RIMBP2: variants seen among roughly 807,000 people sequenced by gnomAD.
RIMBP2 encodes the protein RIMS binding protein 2, also known as RIMS-binding protein 2.
Under a neutral mutation model 118.6 loss-of-function variants are expected in RIMBP2, and 48 were observed. The ratio of observed to expected loss-of-function variants is 0.40; its 90% CI spans 0.32 to 0.51. The LOEUF (loss-of-function observed/expected upper bound fraction) is 0.51, where lower values mean the gene tolerates loss of function less well. RIMBP2 is among the 20% of genes least tolerant of loss of function. The pLI is 0.41. For missense variants in RIMBP2, 1,551 were observed against 1,768.3 expected (o/e 0.88, Z 2.20); for synonymous variants, 762 against 742.9 (o/e 1.03, Z -0.42).
At chr12:130,612,677 G>A (rs140625533) in intron 2 of RIMBP2, among the ~76,000 whole-genome samples, 316 of 152,312 alleles carry the variant, frequency 2.1e-3, no homozygotes, top group African/African-American at 7.2e-3. Context: ...GAGAAACCTG[G>A]AGGAGCTTGT....
At chr12:130,468,840 T>C (rs1187149278) in intron 6 of RIMBP2, among the ~76,000 whole-genome samples, 1 of 152,158 alleles carries the variant, frequency 6.6e-6, no homozygotes, top group Non-Finnish European at 1.5e-5. Flanking sequence ...AGGACTGCTC[T>C]CCCAGCCTGA....
At chr12:130,439,360 C>T (rs139924399) in intron 11 of RIMBP2, among the ~76,000 whole-genome samples, 2 of 144,812 alleles carry the variant, frequency 1.4e-5, no homozygotes, top group East Asian at 4.1e-4. Flanking sequence ...TGTGGGCATG[C>T]GTATGTGTGT....
At chr12:130,624,235 A>G (rs369126018) in intron 2 of RIMBP2, among the ~76,000 whole-genome samples, 5 of 152,244 alleles carry the variant, frequency 3.3e-5, no homozygotes, top group African/African-American at 1.2e-4. Context: ...CACATACAAA[A>G]TTATAGGACA....
chr12:130,424,990 A>C lies in RIMBP2; in HGVS notation c.2413-132T>G. The C allele has an allele frequency of 2.2e-6, 1 of 459,888 alleles. No homozygotes were observed. Among genetic ancestry groups the C allele is most frequent in the Non-Finnish European group, 3.5e-6 (1 of 286,006 alleles). The allele number at this position is 459,888 out of a possible 1,614,324, so 28.5% of individuals were successfully genotyped here. A position where few individuals can be genotyped will look rare whatever the true frequency, so the allele number is the denominator to read the frequency against. On this transcript the variant is annotated intron_variant, in intron 15 of 22. Coordinates refer to ENST00000690449, the MANE Select transcript of RIMBP2 (RefSeq NM_001393629.1). This position sits in a 1 kb window ranked among gnomAD's most constrained non-coding sequence, Gnocchi z 9.8. ...ACCGAGGGGGGGGAAGCATGCGTCT[A>C]CTCAGGCCGGGGGCATGCCGTGGAG...
intron 2 of RIMBP2, among the ~76,000 whole-genome samples, chr12:130,600,000 C>T (rs1274683831): frequency 6.6e-6 from 1 of 152,112 alleles, no homozygotes; most frequent in Non-Finnish European, 1.5e-5. Context: ...AGAATGTAAC[C>T]GTCTGTCTCT....
chr12:130,697,702 G>C (rs1254673004), intron 1 of RIMBP2, among the ~76,000 whole-genome samples: 1 of 152,158 alleles, frequency 6.6e-6, no homozygotes, highest in Non-Finnish European at 1.5e-5. Context: ...CCCACCTGTG[G>C]TCCCAGCTAC....
intron 3 of RIMBP2, among the ~76,000 whole-genome samples, chr12:130,516,131 T>A (rs1403602062): frequency 6.6e-6 from 1 of 152,230 alleles, no homozygotes; most frequent in Non-Finnish European, 1.5e-5. Flanking sequence ...ATGTGCAGGA[T>A]TCCAGTTTCC....
At chr12:130,564,415 A>G (rs192102165) in intron 2 of RIMBP2, among the ~76,000 whole-genome samples, 1 of 152,334 alleles carries the variant, frequency 6.6e-6, no homozygotes, top group Non-Finnish European at 1.5e-5. Context: ...TGAGATTTAC[A>G]TAACATACAA....
At chr12:130,608,697 T>A (rs1366693660) in intron 2 of RIMBP2, among the ~76,000 whole-genome samples, 1 of 152,242 alleles carries the variant, frequency 6.6e-6, no homozygotes. Context: ...TATGAGTTTA[T>A]CATGTATCAC....
chr12:130,486,832 G>A (rs1311114517), intron 4 of RIMBP2, among the ~76,000 whole-genome samples: 4 of 151,872 alleles, frequency 2.6e-5, no homozygotes, highest in African/African-American at 7.3e-5. Context: ...GGTAGACTAC[G>A]GCAGAAGAGC....
At chr12:130,701,289 A>G (rs1045340350) in intron 1 of RIMBP2, among the ~76,000 whole-genome samples, 1 of 152,194 alleles carries the variant, frequency 6.6e-6, no homozygotes, top group Non-Finnish European at 1.5e-5. Flanking sequence ...CAGCTTTGCC[A>G]AGCTGCCTGG....
At chr12:130,577,694 G>A (rs1287351458) in intron 2 of RIMBP2, among the ~76,000 whole-genome samples, 1 of 151,492 alleles carries the variant, frequency 6.6e-6, no homozygotes, top group East Asian at 2.0e-4. Context: ...TATCAGCCAC[G>A]TTATTGCTAT....
chr12:130,597,276 C>T (rs1349140303), intron 2 of RIMBP2, among the ~76,000 whole-genome samples: 3 of 152,352 alleles, frequency 2.0e-5, no homozygotes, highest in South Asian at 2.1e-4. Flanking sequence ...CGGAGTCTCG[C>T]TCTGTCTCCC....
Position 130,422,633 on chromosome 12 carries a change from C to G in RIMBP2, c.3130-72G>C. The G allele has an allele frequency of 8.9e-7, 1 of 1,124,448 alleles. No homozygotes were observed. 69.7% of individuals were successfully genotyped at this position (1,124,448 alleles called of 1,614,324 possible). A position where few individuals can be genotyped will look rare whatever the true frequency, so the allele number is the denominator to read the frequency against. On this transcript the variant is annotated intron_variant, in intron 16 of 22. Coordinates refer to ENST00000690449, the MANE Select transcript of RIMBP2 (RefSeq NM_001393629.1). This position sits in a 1 kb window ranked among gnomAD's most constrained non-coding sequence, Gnocchi z 5.2. ...AACTGAAGAATTCAGTTAGCCAAAT[C>G]AAGCGGGTTGAAAAGCAGAATCTGT...
rs186471812 is a variant in RIMBP2, at chr12:130,441,875, A to G, written c.1477T>C (p.Phe493Leu). 1.2e-5 allele frequency: 20 copies of G among 1,613,790 alleles called. No individual in the cohort carries two copies. In the African/African-American group the frequency reaches 2.7e-4, roughly 21 times the overall value. ...GCAGGCAACGTGGAGAACTCCACAA[A>G]GGCCTCCTTCTTCTCCCTTTGCTCC... Reference protein sequence around the residue: ...PLEQREKKEAFVEFSTLPAGP... With the variant: ...PLEQREKKEALVEFSTLPAGP... The change falls in exon 11 of 23, where the codon TTT becomes CTT. Residue 493 changes from phenylalanine (F) to leucine (L), a missense_variant. Transcript: ENST00000690449.
At chr12:130,599,183 A>G (rs1253805252) in intron 2 of RIMBP2, among the ~76,000 whole-genome samples, 1 of 152,352 alleles carries the variant, frequency 6.6e-6, no homozygotes, top group Admixed American at 6.5e-5. Context: ...CGCAAAATAG[A>G]TCATCAATTT....
chr12:130,541,976 C>T lies in RIMBP2; in HGVS notation c.-216-24059G>A, dbSNP rs577851550. On this transcript the variant is annotated intron_variant, in intron 2 of 22. Transcript: ENST00000690449. ...GTTGGCAAGGTGACTTTTGGCACAACCATACTCAGGGGCTCTAAGTGGAGG... is the reference window on the plus strand; with the variant it reads ...GTTGGCAAGGTGACTTTTGGCACAATCATACTCAGGGGCTCTAAGTGGAGG... Among the ~76,000 whole-genome samples, 6 of 152,320 alleles carry T rather than the reference C, an allele frequency of 3.9e-5. No homozygotes were observed. The South Asian group carries it at 1.2e-3, about 32-fold the overall frequency.
At chr12:130,520,029 T>C (rs57907195) in intron 2 of RIMBP2, among the ~76,000 whole-genome samples, 9,699 of 152,286 alleles carry the variant, frequency 0.064, 422 homozygotes, top group South Asian at 0.16. Context: ...CACAGCCACC[T>C]GGTTCATGCC....
At chr12:130,425,898 T>C (rs1461113858) in intron 15 of RIMBP2, 2 of 152,472 alleles carry the variant, frequency 1.3e-5, no homozygotes, top group African/African-American at 4.8e-5. Context: ...GGGATTTGCC[T>C]AACACAGGGT....
Sources: allele counts gnomAD v4.1 joint callset (sites outside exome capture counted in the v4.1 genomes callset), GRCh38; gene constraint gnomAD v4.1.1; non-coding constraint Gnocchi (gnomAD v3.1); transcripts MANE v1.5; gene names NCBI Gene and HGNC (gene_info 2026-07-23, HGNC 2026-07-21).